The following SNTG1 variants were observed in gnomAD, a reference collection of about 807,000 sequenced individuals.
SNTG1 encodes syntrophin gamma 1.
SNTG1 carries 39 observed loss-of-function variants against 74.7 expected under a neutral mutation model. The observed-to-expected ratio is 0.52, with a 90% CI of 0.40 to 0.68. The LOEUF (loss-of-function observed/expected upper bound fraction) is 0.68, where lower values mean the gene tolerates loss of function less well. SNTG1 is among the 30% of genes least tolerant of loss of function. SNTG1 has a pLI of 0.00. For synonymous variants in SNTG1, 254 were observed against 217.1 expected (o/e 1.17, Z -1.49); for missense variants, 685 against 609.5 (o/e 1.12, Z -1.30).
chr8:50,047,423 T>C (rs1479953873), intron 1 of SNTG1, among the ~76,000 whole-genome samples: 1 of 152,124 alleles, frequency 6.6e-6, no homozygotes, highest in Non-Finnish European at 1.5e-5. Flanking sequence ...TATAAACTTA[T>C]ATTTTTTCAT....
intron 15 of SNTG1, among the ~76,000 whole-genome samples, chr8:50,673,050 A>G (rs1287999456): frequency 6.6e-6 from 1 of 151,270 alleles, no homozygotes; most frequent in South Asian, 2.1e-4. Context: ...CTGTTTTGAT[A>G]CCAGTACCAT....
At chr8:50,266,456 A>G (rs997633863) in intron 2 of SNTG1, among the ~76,000 whole-genome samples, 2 of 152,026 alleles carry the variant, frequency 1.3e-5, no homozygotes, top group Non-Finnish European at 2.9e-5. Context: ...ATAGGTTTCA[A>G]TGTAAGACCT....
At chr8:50,755,774 C>A (rs2095578820) in intron 18 of SNTG1, among the ~76,000 whole-genome samples, 1 of 151,810 alleles carries the variant, frequency 6.6e-6, no homozygotes. Flanking sequence ...CTGTTGTTGT[C>A]CATGTTCTGG....
chr8:49,982,838 G>C (rs1271340040), intron 1 of SNTG1, among the ~76,000 whole-genome samples: 1 of 152,136 alleles, frequency 6.6e-6, no homozygotes, highest in African/African-American at 2.4e-5. Flanking sequence ...AATACTCATA[G>C]AAGATGTCAG....
At chr8:50,201,363 G>A (rs543208848) in intron 2 of SNTG1, among the ~76,000 whole-genome samples, 75 of 152,178 alleles carry the variant, frequency 4.9e-4, no homozygotes, top group Non-Finnish European at 2.9e-5. Flanking sequence ...AAGAAAAATT[G>A]AAAAGATAAC....
chr8:50,346,785 C>G (rs1283042069), intron 2 of SNTG1, among the ~76,000 whole-genome samples: 1 of 152,246 alleles, frequency 6.6e-6, no homozygotes, highest in African/African-American at 2.4e-5. Context: ...AAGATCAAAA[C>G]AGCTACAACA....
intron 1 of SNTG1, among the ~76,000 whole-genome samples, chr8:50,053,041 C>T (rs1819707712): frequency 6.6e-6 from 1 of 152,076 alleles, no homozygotes; most frequent in African/African-American, 2.4e-5. Flanking sequence ...TCATGTGACC[C>T]AGTAACTCCA....
intron 2 of SNTG1, chr8:50,286,646 C>T (rs191554282): frequency 2.5e-4 from 38 of 152,242 alleles, no homozygotes; most frequent in Admixed American, 2.0e-3. Flanking sequence ...ACATTATTGT[C>T]GTTGTTGTTG....
chr8:50,021,620 AC>A (rs1816822052), intron 1 of SNTG1, among the ~76,000 whole-genome samples: 1 of 151,988 alleles, frequency 6.6e-6, no homozygotes, highest in Non-Finnish European at 1.5e-5. Flanking sequence ...ATCACAAATA[AC>A]CCTTATCAAG....
chr8:50,483,037 C>A (rs1467030320), intron 8 of SNTG1, among the ~76,000 whole-genome samples: 1 of 152,056 alleles, frequency 6.6e-6, no homozygotes, highest in Non-Finnish European at 1.5e-5. Flanking sequence ...AGAAAGAGGT[C>A]TGAGATAAAA....
At chr8:50,123,120 A>G (rs2081048139) in intron 1 of SNTG1, among the ~76,000 whole-genome samples, 1 of 142,234 alleles carries the variant, frequency 7.0e-6, no homozygotes, top group Non-Finnish European at 1.6e-5. Context: ...CTAAGATTTC[A>G]TACTCCACAT....
chr8:50,308,027 A>T (rs1047835575), intron 2 of SNTG1, among the ~76,000 whole-genome samples: 3 of 151,798 alleles, frequency 2.0e-5, no homozygotes, highest in African/African-American at 4.8e-5. Flanking sequence ...CTCTCAGCTC[A>T]GGGCTTTGTT....
At chr8:50,316,717 C>T (rs150958223) in intron 2 of SNTG1, among the ~76,000 whole-genome samples, 2 of 152,220 alleles carry the variant, frequency 1.3e-5, no homozygotes, top group Non-Finnish European at 2.9e-5. Context: ...GATAAGTATA[C>T]AGTTGATTGC....
chr8:50,652,106 A>G (rs2095150862), intron 13 of SNTG1, among the ~76,000 whole-genome samples: 1 of 152,066 alleles, frequency 6.6e-6, no homozygotes, highest in African/African-American at 2.4e-5. Flanking sequence ...TAATTTTCAA[A>G]TCTTTTGGAG....
intron 2 of SNTG1, among the ~76,000 whole-genome samples, chr8:50,186,232 T>C (rs1563712899): frequency 6.6e-6 from 1 of 152,206 alleles, no homozygotes; most frequent in Non-Finnish European, 1.5e-5. Context: ...TGCCACATTT[T>C]CTTTATTCAA....
intron 1 of SNTG1, among the ~76,000 whole-genome samples, chr8:50,145,611 C>T (rs886485093): frequency 2.6e-5 from 4 of 151,852 alleles, no homozygotes; most frequent in South Asian, 4.2e-4. Flanking sequence ...GCAGTTGGGG[C>T]GGTGTTGAGA....
intron 15 of SNTG1, among the ~76,000 whole-genome samples, chr8:50,686,584 G>T (rs1344734592): frequency 6.6e-6 from 1 of 151,782 alleles, no homozygotes; most frequent in East Asian, 1.9e-4. Flanking sequence ...TATTTATTTG[G>T]TTTTAAAAAT....
intron 2 of SNTG1, among the ~76,000 whole-genome samples, chr8:50,373,266 A>G (rs1414322458): frequency 6.6e-6 from 1 of 152,208 alleles, no homozygotes; most frequent in African/African-American, 2.4e-5. Context: ...CCTCTTATTT[A>G]AGGAATGCAA....
intron 1 of SNTG1, among the ~76,000 whole-genome samples, chr8:49,988,496 G>T (rs1413695440): frequency 6.6e-6 from 1 of 152,126 alleles, no homozygotes; most frequent in Non-Finnish European, 1.5e-5. Flanking sequence ...GAAAATTTTG[G>T]AGTTAAAAAG....
Sources: allele counts gnomAD v4.1 joint callset (sites outside exome capture counted in the v4.1 genomes callset), GRCh38; gene constraint gnomAD v4.1.1; transcripts MANE v1.5; gene names NCBI Gene and HGNC (gene_info 2026-07-23, HGNC 2026-07-21).